Variants in TBC1D32 observed in about 807,000 individuals in gnomAD.
The protein encoded by TBC1D32 is protein broad-minded.
A neutral mutation model predicts 170.3 loss-of-function variants in TBC1D32; 151 were observed. That is an observed-to-expected ratio of 0.89 (90% CI 0.78 to 1.01). The LOEUF (loss-of-function observed/expected upper bound fraction) is 1.01. Ranked by LOEUF, TBC1D32 falls within the 50% of genes least tolerant of loss-of-function variation. The pLI is 0.00. For missense variants in TBC1D32, 1,464 were observed against 1,457.1 expected, an observed-to-expected ratio of 1.00 and a Z score of -0.08; for synonymous variants, 498 against 488.0, an observed-to-expected ratio of 1.02 and a Z score of -0.27.
In TBC1D32 at chr6:121,223,283, G is replaced by T; in HGVS notation, c.2434C>A (p.Pro812Thr). 12 of 1,592,706 alleles carry T rather than the reference G, an allele frequency of 7.5e-6. No homozygotes were observed. Among genetic ancestry groups the T allele is most frequent in the Non-Finnish European group, 1.0e-5 (12 of 1,172,992 alleles). Residue 812 changes from proline to threonine, a missense_variant, in exon 21 of 32, where the codon CCT becomes ACT. This residue lies in a region of TBC1D32 where 1,363 missense variants were observed against 1,338.1 expected (regional missense o/e 1.02). Coordinates refer to ENST00000398212, the MANE Select transcript of TBC1D32 (RefSeq NM_152730.6). ...IYELVRNQDL[P>T]NKTEYSLREV... ...CGAAGAGAATATTCTGTTTTATTAG[G>T]AAGATCTTGATTCCTTACAAGCTCA...
At chr6:121,310,447 T>C (rs886579958) in intron 4 of TBC1D32, among the ~76,000 whole-genome samples, 3 of 151,906 alleles carry the variant, frequency 2.0e-5, no homozygotes, top group African/African-American at 7.3e-5. Context: ...TAAAAATCTT[T>C]TTCTTAAGAA....
intron 1 of TBC1D32, 146 bp downstream of exon 1, chr6:121,334,130 T>A (rs1037049851): frequency 7.9e-6 from 5 of 635,504 alleles, no homozygotes; most frequent in Non-Finnish European, 1.3e-5. Context: ...TTAAATAAAT[T>A]CGACGTTTTG....
Position 121,160,120 on chromosome 6 carries a change from A to C in TBC1D32, c.2680-17T>G. On this transcript the variant is annotated splice_polypyrimidine_tract_variant and intron_variant, in intron 23 of 31. Transcript: ENST00000398212. ...ATTATCACTCTAAAAAAGAAGCAAG[A>C]CAGATGACTTTAGGAAGTGGTCTAA... 6.7e-7 allele frequency: 1 copy of C among 1,487,118 alleles called. No individual in the cohort carries two copies. The highest frequency in any genetic ancestry group is 9.3e-7 in the Non-Finnish European group (1 of 1,072,460). 92.1% of individuals were successfully genotyped at this position (1,487,118 alleles called of 1,614,324 possible).
At chr6:121,283,129 C>A (rs1803271612) in intron 13 of TBC1D32, among the ~76,000 whole-genome samples, 1 of 151,700 alleles carries the variant, frequency 6.6e-6, no homozygotes, top group African/African-American at 2.4e-5. Context: ...AATATACATC[C>A]CAAACCATTT....
chr6:121,302,514 A>G lies in TBC1D32; in HGVS notation c.1080+1103T>C, dbSNP rs573510522. On this transcript the variant is annotated intron_variant, in intron 9 of 31. Transcript: ENST00000398212. Reference sequence around the variant, plus strand: ...GTCAAATGAAAAAAAGTTAATTACAAAGTTAGTAAAATATGACTGATTTTG... The same window carrying G: ...GTCAAATGAAAAAAAGTTAATTACAGAGTTAGTAAAATATGACTGATTTTG... Among the ~76,000 whole-genome samples the G allele has an allele frequency of 2.2e-4, 33 of 152,296 alleles. 1 individual carries two copies. Among genetic ancestry groups the G allele is most frequent in the Admixed American group, 2.2e-3 (33 of 15,288 alleles).
At chr6:121,191,281 T>A (rs1789979487) in intron 22 of TBC1D32, among the ~76,000 whole-genome samples, 1 of 152,206 alleles carries the variant, frequency 6.6e-6, no homozygotes, top group South Asian at 2.1e-4. Context: ...TCCTTCTGAT[T>A]GGCACACACA....
At chr6:121,106,567 A>G (rs1778707906) in intron 29 of TBC1D32, among the ~76,000 whole-genome samples, 1 of 152,052 alleles carries the variant, frequency 6.6e-6, no homozygotes, top group Admixed American at 6.6e-5. Flanking sequence ...GGCTTTGGCC[A>G]ATGATTCTAT....
At chr6:121,300,004 T>C (rs1169985271) in intron 9 of TBC1D32, among the ~76,000 whole-genome samples, 2 of 152,168 alleles carry the variant, frequency 1.3e-5, no homozygotes, top group Non-Finnish European at 2.9e-5. Flanking sequence ...GAGCTTTAAA[T>C]CTCTCCTTGG....
intron 12 of TBC1D32, among the ~76,000 whole-genome samples, chr6:121,291,149 TA>T (rs1031330125): frequency 7.0e-4 from 98 of 139,584 alleles, no homozygotes; most frequent in Admixed American, 9.6e-4. Flanking sequence ...TAAAGTATAA[TA>T]AAAAAAAAAA....
At chr6:121,245,614 G>C (rs1313992102) in intron 17 of TBC1D32, among the ~76,000 whole-genome samples, 1 of 152,074 alleles carries the variant, frequency 6.6e-6, no homozygotes, top group Non-Finnish European at 1.5e-5. Flanking sequence ...GGTCCCCCCG[G>C]TACATTACTG....
chr6:121,193,493 CTCTGTATGTCAGG>C (rs1160146176), intron 22 of TBC1D32, among the ~76,000 whole-genome samples: 5 of 152,216 alleles, frequency 3.3e-5, no homozygotes. Flanking sequence ...AATTGTTCTT[CTCTGTATGTCAGG>C]TCTAACAGTG....
At chr6:121,228,481 A>G (rs1247106405) in intron 20 of TBC1D32, among the ~76,000 whole-genome samples, 3 of 152,100 alleles carry the variant, frequency 2.0e-5, no homozygotes, top group African/African-American at 7.2e-5. Flanking sequence ...CCAGTTTGAA[A>G]TATTTCCTAA....
At chr6:121,271,368 C>T (rs942567682) in intron 15 of TBC1D32, among the ~76,000 whole-genome samples, 1 of 152,108 alleles carries the variant, frequency 6.6e-6, no homozygotes. Flanking sequence ...AAAACCCAAT[C>T]GTCTTGGCCC....
intron 20 of TBC1D32, among the ~76,000 whole-genome samples, chr6:121,228,978 T>C (rs888102020): frequency 6.6e-6 from 1 of 152,178 alleles, no homozygotes; most frequent in Admixed American, 6.6e-5. Flanking sequence ...ATATTATCAT[T>C]ATAAAATGTG....
At chr6:121,220,550 G>A (rs1794375381) in intron 21 of TBC1D32, among the ~76,000 whole-genome samples, 1 of 151,956 alleles carries the variant, frequency 6.6e-6, no homozygotes, top group African/African-American at 2.4e-5. Context: ...ACAAGATGAA[G>A]TAGCAAGTGC....
chr6:121,194,911 A>G (rs1790529786), intron 22 of TBC1D32, among the ~76,000 whole-genome samples: 1 of 152,226 alleles, frequency 6.6e-6, no homozygotes, highest in Non-Finnish European at 1.5e-5. Context: ...TATGTCTGCA[A>G]GAAGATGGGA....
intron 29 of TBC1D32, among the ~76,000 whole-genome samples, chr6:121,108,517 G>A (rs1778909824): frequency 6.6e-6 from 1 of 151,886 alleles, no homozygotes; most frequent in African/African-American, 2.4e-5. Flanking sequence ...ACTACGCTAA[G>A]ACAAAGTGCA....
intron 17 of TBC1D32, among the ~76,000 whole-genome samples, chr6:121,247,297 A>C (rs918082932): frequency 6.6e-6 from 1 of 152,074 alleles, no homozygotes; most frequent in Non-Finnish European, 1.5e-5. Flanking sequence ...ACCACCAAAC[A>C]AGCACTACAA....
intron 15 of TBC1D32, among the ~76,000 whole-genome samples, chr6:121,268,014 G>A (rs1800786187): frequency 6.6e-6 from 1 of 152,098 alleles, no homozygotes; most frequent in African/African-American, 2.4e-5. Context: ...TGGACCTCCA[G>A]CAAACTCCAA....
Sources: allele counts gnomAD v4.1 joint callset (sites outside exome capture counted in the v4.1 genomes callset), GRCh38; gene constraint gnomAD v4.1.1; regional missense constraint gnomAD v4.1.1; transcripts MANE v1.5; gene names NCBI Gene and HGNC (gene_info 2026-07-23, HGNC 2026-07-21).